Variants in NPSR1 observed in about 807,000 individuals in gnomAD.
NPSR1 encodes neuropeptide S receptor.
In NPSR1, 48 loss-of-function variants were observed where a neutral mutation model predicts 46.9. That is an observed-to-expected ratio of 1.02 (90% CI 0.81 to 1.30). The LOEUF (loss-of-function observed/expected upper bound fraction) is 1.30, where lower values mean the gene tolerates loss of function less well. Ranked by LOEUF, NPSR1 falls within the 50% of genes most tolerant of loss-of-function variation. The pLI is 0.00. For synonymous variants in NPSR1, 176 were observed against 168.1 expected (o/e 1.05, Z -0.36); for missense variants, 450 against 449.5 (o/e 1.00, Z -0.01).
At chr7:34,790,146 A>C (rs1230605449) in intron 3 of NPSR1, among the ~76,000 whole-genome samples, 2 of 152,158 alleles carry the variant, frequency 1.3e-5, no homozygotes, top group African/African-American at 4.8e-5. Flanking sequence ...AACATATTTC[A>C]ATAGCACACT....
At chr7:34,756,881 G>A (rs1201810799) in intron 2 of NPSR1, among the ~76,000 whole-genome samples, 2 of 152,184 alleles carry the variant, frequency 1.3e-5, no homozygotes, top group African/African-American at 4.8e-5. Context: ...CCTCCCTTGT[G>A]GCTGGCACTG....
chr7:34,661,639 T>C (rs1025412692), intron 1 of NPSR1, among the ~76,000 whole-genome samples: 2 of 152,182 alleles, frequency 1.3e-5, no homozygotes, highest in African/African-American at 2.4e-5. Flanking sequence ...TCTACCTTCC[T>C]AAGCATGTGA....
intron 2 of NPSR1, among the ~76,000 whole-genome samples, chr7:34,709,439 T>A (rs1378248509): frequency 6.6e-6 from 1 of 152,208 alleles, no homozygotes; most frequent in African/African-American, 2.4e-5. Context: ...ATGGTCACTG[T>A]TGCACAGACA....
intron 2 of NPSR1, among the ~76,000 whole-genome samples, chr7:34,688,507 C>T (rs981913429): frequency 1.3e-5 from 2 of 152,148 alleles, no homozygotes; most frequent in African/African-American, 4.8e-5. Context: ...AGCTTGAGCA[C>T]ACAAAGAACT....
At chr7:34,747,400 C>A (rs1051492705) in intron 2 of NPSR1, among the ~76,000 whole-genome samples, 2 of 152,164 alleles carry the variant, frequency 1.3e-5, no homozygotes, top group African/African-American at 4.8e-5. Flanking sequence ...GGTCTCTGCA[C>A]CTGCAGCCTG....
At chr7:34,715,499 G>A (rs936274431) in intron 2 of NPSR1, among the ~76,000 whole-genome samples, 11 of 152,198 alleles carry the variant, frequency 7.2e-5, no homozygotes, top group African/African-American at 2.7e-4. Flanking sequence ...AATGCCACAT[G>A]TTCACAATAT....
intron 2 of NPSR1, among the ~76,000 whole-genome samples, chr7:34,711,650 C>A (rs1229898091): frequency 6.6e-6 from 1 of 152,188 alleles, no homozygotes; most frequent in Non-Finnish European, 1.5e-5. Context: ...CAGAGCTTCC[C>A]AGGTGATTTT....
At chr7:34,759,552 C>T (rs1786051533) in intron 2 of NPSR1, among the ~76,000 whole-genome samples, 2 of 152,248 alleles carry the variant, frequency 1.3e-5, no homozygotes, top group South Asian at 2.1e-4. Flanking sequence ...ACATGATGTT[C>T]CAGGCTTATC....
intron 8 of NPSR1, among the ~76,000 whole-genome samples, chr7:34,867,972 T>C (rs1791355634): frequency 6.6e-6 from 1 of 151,892 alleles, no homozygotes; most frequent in South Asian, 2.1e-4. Flanking sequence ...CATGGAAAGC[T>C]GTACTATATT....
intron 3 of NPSR1, among the ~76,000 whole-genome samples, chr7:34,788,400 T>C (rs1285017633): frequency 6.6e-6 from 1 of 151,464 alleles, no homozygotes; most frequent in Non-Finnish European, 1.5e-5. Flanking sequence ...AAAAAATATA[T>C]GATAGCCAGA....
chr7:34,704,364 AAT>A (rs1793997268), intron 2 of NPSR1, among the ~76,000 whole-genome samples: 1 of 152,106 alleles, frequency 6.6e-6, no homozygotes, highest in African/African-American at 2.4e-5. Flanking sequence ...CAAAAAAACT[AAT>A]AGTTTTTGCT....
chr7:34,694,513 G>A (rs1005117619), intron 2 of NPSR1, among the ~76,000 whole-genome samples: 1 of 152,092 alleles, frequency 6.6e-6, no homozygotes, highest in African/African-American at 2.4e-5. Context: ...GAAAGAAATT[G>A]TAGATAACAC....
At chr7:34,844,569 T>C (rs565893101) in intron 6 of NPSR1, among the ~76,000 whole-genome samples, 38 of 152,178 alleles carry the variant, frequency 2.5e-4, no homozygotes, top group South Asian at 1.7e-3. Context: ...GCTTAGAGAG[T>C]AGCACTCCTC....
chr7:34,750,754 G>T (rs1024000976), intron 2 of NPSR1: 27 of 693,244 alleles, frequency 3.9e-5, no homozygotes, highest in Non-Finnish European at 1.1e-5. Context: ...GCTCTGTGAG[G>T]GGCAGCTGTG....
intron 3 of NPSR1, among the ~76,000 whole-genome samples, chr7:34,793,639 A>C (rs1473265477): frequency 6.6e-6 from 1 of 152,168 alleles, no homozygotes; most frequent in Admixed American, 6.6e-5. Flanking sequence ...AAATTAGAAC[A>C]GTCACTATAA....
chr7:34,861,858 G>A (rs540009271), intron 8 of NPSR1, among the ~76,000 whole-genome samples: 1 of 151,944 alleles, frequency 6.6e-6, no homozygotes, highest in Admixed American at 6.5e-5. Flanking sequence ...CACAGTGAAA[G>A]AAGACATCAG....
intron 2 of NPSR1, among the ~76,000 whole-genome samples, chr7:34,769,449 C>T (rs775427742): frequency 3.3e-5 from 5 of 152,142 alleles, no homozygotes; most frequent in Non-Finnish European, 7.4e-5. Flanking sequence ...TAAAAAAATA[C>T]ATCCTCTTTT....
Position 34,707,390 on chromosome 7 carries a change from C to G in NPSR1, c.280+22706C>G, listed in dbSNP as rs567101649. ...GCTTGTCACTTAATAATAGAAATAG[C>G]TGGCTTCTGGCCCATGCAGAAGGAA... On this transcript the variant is annotated intron_variant, in intron 2 of 8. Coordinates refer to ENST00000360581, the MANE Select transcript of NPSR1 (RefSeq NM_207172.2). 1.1e-4 allele frequency among the ~76,000 whole-genome samples: 17 copies of G among 152,296 alleles called. 1 individual carries two copies. The East Asian group carries it at 3.3e-3, about 29-fold the overall frequency.
chr7:34,728,173 C>T (rs1370431650), intron 2 of NPSR1, among the ~76,000 whole-genome samples: 1 of 151,778 alleles, frequency 6.6e-6, no homozygotes, highest in Non-Finnish European at 1.5e-5. Context: ...GTGTGCTGCA[C>T]CCATTAACTC....
Sources: gnomAD v4.1 joint callset for allele counts (sites outside exome capture counted in the v4.1 genomes callset) on GRCh38, gnomAD v4.1.1 for gene constraint, MANE v1.5 for transcripts, NCBI Gene and HGNC (gene_info 2026-07-23, HGNC 2026-07-21) for gene names.